PABPC1L: variants seen among roughly 807,000 people sequenced by gnomAD.
PABPC1L encodes the protein poly(A) binding protein cytoplasmic 1 like, also known as polyadenylate-binding protein 1-like.
In PABPC1L, 31 loss-of-function variants were observed where a neutral mutation model predicts 66.6. That is an observed-to-expected ratio of 0.47 (90% CI 0.35 to 0.63). The LOEUF (loss-of-function observed/expected upper bound fraction) is 0.63. Ranked by LOEUF, PABPC1L falls within the 20% of genes least tolerant of loss-of-function variation. The pLI is 0.00. For synonymous variants in PABPC1L, 348 were observed against 335.1 expected (o/e 1.04, Z -0.42); for missense variants, 722 against 848.8 (o/e 0.85, Z 1.86).
At chr20:44,934,617 A>G (rs1482281481) in intron 10 of PABPC1L, among the ~76,000 whole-genome samples, 3 of 152,124 alleles carry the variant, frequency 2.0e-5, no homozygotes, top group African/African-American at 7.2e-5. Context: ...TTTACTTTAC[A>G]TGTCTCAGGA....
chr20:44,929,875 A>T (rs1296508256), intron 7 of PABPC1L, among the ~76,000 whole-genome samples: 2 of 152,142 alleles, frequency 1.3e-5, no homozygotes, highest in Non-Finnish European at 2.9e-5. Context: ...ACTCCAAAGT[A>T]AAAAGGTTAT....
In PABPC1L at chr20:44,938,748, G is replaced by A. The variant is rs765064944; in HGVS notation, c.*6G>A. 3.7e-6 allele frequency: 6 copies of A among 1,609,728 alleles called. No homozygotes were observed. The African/African-American group carries it at 5.3e-5, about 14-fold the overall frequency. ...CGAAGGCGTACATGCACTGAAACCAGGTGGGTGGAATGGTGACAGAAGCAG... is the reference window on the plus strand; with the variant it reads ...CGAAGGCGTACATGCACTGAAACCAAGTGGGTGGAATGGTGACAGAAGCAG... On this transcript the variant is annotated splice_region_variant and 3_prime_UTR_variant, in exon 14 of 15. Coordinates refer to ENST00000217073, the MANE Select transcript of PABPC1L (RefSeq NM_001372179.1).
rs1234072771 is a variant in PABPC1L, at chr20:44,938,137, T to G, written c.1737T>G (p.Ile579Met). The G allele has an allele frequency of 6.2e-7, 1 of 1,614,194 alleles. No homozygotes were observed. ...AGATCACGGGCATGCTGCTGGAGAT[T>G]GACAACTCAGAGCTGTTGCTCATGC... ...AGKITGMLLE[I>M]DNSELLLMLE... Residue 579 changes from isoleucine to methionine, a missense_variant, in exon 13 of 15, where the codon ATT becomes ATG. By Grantham distance (10) the Ile-to-Met change is conservative. Coordinates refer to ENST00000217073, the MANE Select transcript of PABPC1L (RefSeq NM_001372179.1).
At chr20:44,931,005 CTCCCTTCCT>C (rs2066849577) in intron 8 of PABPC1L, among the ~76,000 whole-genome samples, 1 of 101,266 alleles carries the variant, frequency 9.9e-6, no homozygotes, top group African/African-American at 4.2e-5. Flanking sequence ...TTTTTCCTTC[CTCCCTTCCT>C]TCCCTTCCCT....
At position 44,910,091 on chromosome 20, in the gene PABPC1L, C is replaced by A; in HGVS notation, c.-53C>A. The A allele has an allele frequency of 2.0e-6, 3 of 1,467,664 alleles. No individual in the cohort carries two copies. Among genetic ancestry groups the A allele is most frequent in the Non-Finnish European group, 1.8e-6 (2 of 1,087,916 alleles). 90.9% of individuals were successfully genotyped at this position (1,467,664 alleles called of 1,614,324 possible). ...GGCTTCCGCCCGGGTGAGCGCGGGGCTGCTGGGTGACCCGGCTCCTGCTTG... is the reference window on the plus strand; with the variant it reads ...GGCTTCCGCCCGGGTGAGCGCGGGGATGCTGGGTGACCCGGCTCCTGCTTG... On this transcript the variant is annotated 5_prime_UTR_variant, in exon 1 of 15. The change creates a new upstream start codon in the 5' untranslated region. Coordinates refer to ENST00000217073, the MANE Select transcript of PABPC1L (RefSeq NM_001372179.1).
At chr20:44,921,496 G>T in intron 5 of PABPC1L, 98 bp from the exon 6 acceptor site, 1 of 1,505,640 alleles carries the variant, frequency 6.6e-7, no homozygotes, top group Non-Finnish European at 9.0e-7. Context: ...AGTGTGGCCA[G>T]CCTGGTTTGC....
chr20:44,928,864 C>CAAAAAAAAAAAAAAAAAAAAAAA (rs10597679), intron 7 of PABPC1L, among the ~76,000 whole-genome samples: 2 of 54,344 alleles, frequency 3.7e-5, no homozygotes, highest in Non-Finnish European at 3.0e-5. Flanking sequence ...GATCCTGACT[C>CAAAAAAAAAAAAAAAAAAAAAAA]AAAAAAAAAA....
intron 3 of PABPC1L, among the ~76,000 whole-genome samples, chr20:44,918,002 G>A (rs2066748816): frequency 6.6e-6 from 1 of 152,128 alleles, no homozygotes; most frequent in Non-Finnish European, 1.5e-5. Context: ...TCCTAGATGT[G>A]TTTACATGAA....
At chr20:44,928,532 A>G (rs1264212228) in intron 7 of PABPC1L, among the ~76,000 whole-genome samples, 1 of 152,054 alleles carries the variant, frequency 6.6e-6, no homozygotes, top group Non-Finnish European at 1.5e-5. Context: ...AATCCATGCA[A>G]TTTCCCCCTA....
In PABPC1L at chr20:44,936,664, G is replaced by A. The variant is rs750786469; in HGVS notation, c.1594G>A (p.Gly532Arg). Residue 532 changes from glycine to arginine, a missense_variant, in exon 12 of 15, where the codon GGA (glycine) becomes AGA (arginine). This residue lies in a region of PABPC1L where 301 missense variants were observed against 337.2 expected (regional missense o/e 0.89). Coordinates refer to ENST00000217073, the MANE Select transcript of PABPC1L (RefSeq NM_001372179.1). ...RVQEPAVHIP[G>R]QEPLTASMLA... is the part of the protein sequence containing the mutation. ...CCAGGAGCCGGCTGTGCACATCCCAGGACAGGAGCCCCTGACCGCGTCCAT... is the reference window on the plus strand; with the variant it reads ...CCAGGAGCCGGCTGTGCACATCCCAAGACAGGAGCCCCTGACCGCGTCCAT... 1 of 1,605,138 alleles carries A rather than the reference G, an allele frequency of 6.2e-7. No homozygotes were observed. Among genetic ancestry groups the A allele is most frequent in the South Asian group, 1.1e-5 (1 of 88,628 alleles).
chr20:44,913,267 C>T (rs1276780906), intron 2 of PABPC1L, among the ~76,000 whole-genome samples: 1 of 152,144 alleles, frequency 6.6e-6, no homozygotes, highest in East Asian at 1.9e-4. Context: ...GGCTTTCCTC[C>T]CTATGGCCTT....
chr20:44,930,663 G>T lies in PABPC1L; in HGVS notation c.1176G>T (p.Leu392=). ...AGCGCCTCTCCACCATGCGGACCCT[G>T]AGCAACCCCCTCCTGGGCTCCTTTC... ...YMQRLSTMRT[L]SNPLLGSFQQ... is the part of the protein sequence containing the mutation. Residue 392 remains leucine (L), a synonymous_variant, in exon 8 of 15, where the codon CTG becomes CTT. Coordinates refer to ENST00000217073, the MANE Select transcript of PABPC1L (RefSeq NM_001372179.1). The T allele has an allele frequency of 6.2e-7, 1 of 1,614,186 alleles. No homozygotes were observed. The highest frequency in any genetic ancestry group is 8.5e-7 in the Non-Finnish European group (1 of 1,180,032).
At position 44,934,038 on chromosome 20, in the gene PABPC1L, C is replaced by T. The variant is rs926567869; in HGVS notation, c.1459+853C>T. Among the ~76,000 whole-genome samples, 8 of 152,208 alleles carry T rather than the reference C, an allele frequency of 5.3e-5. 1 individual carries two copies. Among genetic ancestry groups the T allele is most frequent in the African/African-American group, 1.9e-4 (8 of 41,458 alleles). ...AAGTGCTGGGATTACAGGCATGAGCCACCATGCCCGGCTTGTTGTTGAGGA... is the reference window on the plus strand; with the variant it reads ...AAGTGCTGGGATTACAGGCATGAGCTACCATGCCCGGCTTGTTGTTGAGGA... On this transcript the variant is annotated intron_variant, in intron 10 of 14. Transcript: ENST00000217073.
intron 13 of PABPC1L, 77 bp from the exon 14 acceptor site, chr20:44,938,597 G>A (rs2066919703): frequency 1.3e-6 from 2 of 1,505,194 alleles, no homozygotes; most frequent in Non-Finnish European, 1.8e-6. Context: ...AGGATGGTGA[G>A]CGAGGGGGAG....
In PABPC1L at chr20:44,910,977, A is replaced by T. The variant is rs184392331; in HGVS notation, c.193+641A>T. Among the ~76,000 whole-genome samples the T allele has an allele frequency of 1.7e-3, 264 of 152,300 alleles. 1 individual carries two copies. The highest frequency in any genetic ancestry group is 2.5e-3 in the Non-Finnish European group (171 of 68,012). ...TGCACTTCTGTTGAGAGTGGAGAGG[A>T]TGAGTGAGCTTGGGCAAGCCTTCAC... On this transcript the variant is annotated intron_variant, in intron 1 of 14. Transcript: ENST00000217073.
intron 6 of PABPC1L, among the ~76,000 whole-genome samples, chr20:44,923,665 A>T (rs2066789359): frequency 1.3e-5 from 2 of 151,930 alleles, no homozygotes; most frequent in Admixed American, 1.3e-4. Context: ...ATCAAAATGT[A>T]TGGGAAAGCT....
chr20:44,916,775 G>T lies in PABPC1L; in HGVS notation c.407G>T (p.Gly136Val). 6.2e-7 allele frequency: 1 copy of T among 1,614,202 alleles called. No homozygotes were observed. Among genetic ancestry groups the T allele is most frequent in the Admixed American group, 1.7e-5 (1 of 60,020 alleles). The part of the protein sequence containing the change: ...LSCKVACDEH[G>V]SRGFGFVHFE... ...GCCCAGGTGGCGTGTGACGAGCATG[G>T]CTCCCGGGGTTTCGGCTTTGTCCAT... The change falls in exon 3 of 15, where the codon GGC becomes GTC. Residue 136 changes from glycine to valine, a missense_variant. Gly to Val is a moderately radical substitution (Grantham distance 109, BLOSUM62 -3). This residue lies in a region of PABPC1L where 284 missense variants were observed against 294.8 expected (regional missense o/e 0.96). Transcript: ENST00000217073.
intron 10 of PABPC1L, among the ~76,000 whole-genome samples, chr20:44,933,842 C>T (rs752525232): frequency 3.7e-4 from 54 of 146,120 alleles, no homozygotes; most frequent in African/African-American, 7.1e-4. Context: ...CCTCTGCCTC[C>T]GGGGTTCTAA....
At chr20:44,924,749 T>C (rs562065514) in intron 7 of PABPC1L, among the ~76,000 whole-genome samples, 1 of 152,336 alleles carries the variant, frequency 6.6e-6, no homozygotes, top group African/African-American at 2.4e-5. Flanking sequence ...AGCAGCTCTA[T>C]GAGCTTTAGC....
Sources: gnomAD v4.1 joint callset for allele counts (sites outside exome capture counted in the v4.1 genomes callset) on GRCh38, gnomAD v4.1.1 for gene constraint, gnomAD v4.1.1 regional missense constraint, MANE v1.5 for transcripts, NCBI Gene and HGNC (gene_info 2026-07-23, HGNC 2026-07-21) for gene names.